DEPDC4: variants seen among roughly 807,000 people sequenced by gnomAD.
The protein encoded by DEPDC4 is DEP domain containing 4, also known as DEP domain-containing protein 4.
A neutral mutation model predicts 52.0 loss-of-function variants in DEPDC4; 52 were observed. The ratio of observed to expected loss-of-function variants is 1.00; its 90% CI spans 0.80 to 1.26. The LOEUF is 1.26. Among genes scored for constraint, DEPDC4 ranks in the 50% most tolerant of loss-of-function variants. DEPDC4 has a pLI of 0.00. For synonymous variants in DEPDC4, 201 were observed against 196.8 expected, an observed-to-expected ratio of 1.02 and a Z score of -0.18; for missense variants, 530 against 546.9, an observed-to-expected ratio of 0.97 and a Z score of 0.31.
intron 7 of DEPDC4, among the ~76,000 whole-genome samples, chr12:100,249,381 G>C (rs940031822): frequency 1.3e-5 from 2 of 152,070 alleles, no homozygotes; most frequent in Non-Finnish European, 2.9e-5. Flanking sequence ...AGGCGTGGTG[G>C]CTCACACCTG....
chr12:100,244,095 G>GTATATATATATATATATATA (rs774444544), intron 8 of DEPDC4, among the ~76,000 whole-genome samples: 3 of 51,646 alleles, frequency 5.8e-5, no homozygotes, highest in Non-Finnish European at 7.8e-5. Flanking sequence ...CTCTCTCTGT[G>GTATATATATATATATATATA]TATATATATA....
At chr12:100,281,019 GTTTTTTTT>G in the DEPDC4 span, among the ~76,000 whole-genome samples, 1 of 50,466 alleles carries the variant, frequency 2.0e-5, no homozygotes, top group African/African-American at 6.9e-5. Flanking sequence ...TACCATCAGT[GTTTTTTTT>G]TTTTTTTTTT....
intron 1 of DEPDC4, among the ~76,000 whole-genome samples, chr12:100,265,267 C>A (rs1467561717): frequency 1.3e-5 from 2 of 151,548 alleles, no homozygotes; most frequent in Admixed American, 6.6e-5. Context: ...GCACTCCAGT[C>A]AGGGCAACAG....
chr12:100,236,856 G>A (rs1011113051), downstream of DEPDC4, among the ~76,000 whole-genome samples: 3 of 152,100 alleles, frequency 2.0e-5, no homozygotes, highest in Non-Finnish European at 4.4e-5. Flanking sequence ...GTTGATTTTT[G>A]TATAAGGTGA....
chr12:100,278,067 A>G, the DEPDC4 span, among the ~76,000 whole-genome samples: 1 of 152,154 alleles, frequency 6.6e-6, no homozygotes, highest in African/African-American at 2.4e-5. Context: ...TATAAACACA[A>G]TACATTTTTA....
chr12:100,258,640 G>A (rs189751294), intron 3 of DEPDC4, among the ~76,000 whole-genome samples: 44 of 152,204 alleles, frequency 2.9e-4, no homozygotes, highest in Admixed American at 2.7e-3. Context: ...CACAGCCAAG[G>A]CTTTGCAACA....
intron 3 of DEPDC4, among the ~76,000 whole-genome samples, chr12:100,258,841 T>C (rs1398066617): frequency 6.6e-6 from 1 of 152,010 alleles, no homozygotes; most frequent in Non-Finnish European, 1.5e-5. Flanking sequence ...GAGGTTGCAG[T>C]GGTCAGATTG....
At chr12:100,257,094 C>T (rs1285908838) in intron 3 of DEPDC4, among the ~76,000 whole-genome samples, 1 of 151,716 alleles carries the variant, frequency 6.6e-6, no homozygotes, top group African/African-American at 2.4e-5. Flanking sequence ...TATTTACTTA[C>T]TTTTTGAGAC....
intron 7 of DEPDC4, among the ~76,000 whole-genome samples, chr12:100,249,514 T>G (rs927638808): frequency 6.6e-6 from 1 of 152,122 alleles, no homozygotes; most frequent in Admixed American, 6.5e-5. Context: ...CCAAACAAAA[T>G]AGGTATACAT....
intron 8 of DEPDC4, among the ~76,000 whole-genome samples, chr12:100,245,516 T>C (rs114693511): frequency 0.034 from 5,232 of 152,302 alleles, 282 homozygotes; most frequent in African/African-American, 0.12. Flanking sequence ...ATCTGCCTGC[T>C]GCGGCCTCCC....
At position 100,252,520 on chromosome 12, in the gene DEPDC4, T is replaced by C. The variant is rs1326739309; in HGVS notation, c.1122A>G (p.Ala374=). 2 of 1,600,890 alleles carry C rather than the reference T, an allele frequency of 1.2e-6. No individual in the cohort carries two copies. Among genetic ancestry groups the C allele is most frequent in the Non-Finnish European group, 1.7e-6 (2 of 1,176,668 alleles). The stretch of plus-strand genomic sequence containing the variant: ...ATAGTTGTGTTGCTTCAAGTGCTTC[T>C]GCTCTTTTCTCATTTTCTGTTATAT... ...IIELLENEKR[A]EALEATQLYL... is the part of the protein sequence containing the mutation. The change falls in exon 6 of 10, where the codon GCA becomes GCG. Residue 374 remains alanine, a synonymous_variant. Transcript: ENST00000550587.
At chr12:100,242,739 A>G (rs1016459201) in intron 8 of DEPDC4, among the ~76,000 whole-genome samples, 170 bp from the exon 9 acceptor site, 1 of 152,194 alleles carries the variant, frequency 6.6e-6, no homozygotes, top group Non-Finnish European at 1.5e-5. Context: ...TTGATGTGCC[A>G]GTTTTAGCAT....
At chr12:100,266,531 G>T (rs1465080012) in intron 1 of DEPDC4, among the ~76,000 whole-genome samples, 1 of 152,110 alleles carries the variant, frequency 6.6e-6, no homozygotes, top group East Asian at 1.9e-4. Flanking sequence ...CAAGGAATTT[G>T]CCCTCTAGTA....
chr12:100,252,979 C>T (rs7962998), intron 5 of DEPDC4, among the ~76,000 whole-genome samples: 23,031 of 152,262 alleles, frequency 0.15, 2,185 homozygotes, highest in Non-Finnish European at 0.21. Flanking sequence ...CGCAGTGGCG[C>T]GATCTCGGCT....
downstream of DEPDC4, among the ~76,000 whole-genome samples, chr12:100,236,473 G>A (rs2096141532): frequency 6.6e-6 from 1 of 151,814 alleles, no homozygotes; most frequent in African/African-American, 2.4e-5. Flanking sequence ...TATGTTTGTT[G>A]GTCATTTGTA....
At chr12:100,261,811 C>T (rs1190166941) in intron 3 of DEPDC4, 1 of 455,844 alleles carries the variant, frequency 2.2e-6, no homozygotes, top group Non-Finnish European at 4.4e-6. Context: ...TAATACACTA[C>T]TTAAATCACA....
upstream of DEPDC4, among the ~76,000 whole-genome samples, chr12:100,268,747 A>T (rs932630444): frequency 6.6e-6 from 1 of 152,192 alleles, no homozygotes; most frequent in Non-Finnish European, 1.5e-5. Context: ...TTTGAAATTC[A>T]TGATATACCT....
chr12:100,260,767 A>G (rs2096250784), intron 3 of DEPDC4, among the ~76,000 whole-genome samples: 1 of 152,074 alleles, frequency 6.6e-6, no homozygotes, highest in South Asian at 2.1e-4. Context: ...ATGGTGGCAC[A>G]CGCCTATAGT....
downstream of DEPDC4, among the ~76,000 whole-genome samples, chr12:100,235,684 C>T (rs1203938616): frequency 6.6e-6 from 1 of 152,090 alleles, no homozygotes; most frequent in Non-Finnish European, 1.5e-5. Context: ...AGGCAATTGT[C>T]CTATCTCAGC....
Sources: allele counts gnomAD v4.1 joint callset (sites outside exome capture counted in the v4.1 genomes callset), GRCh38; gene constraint gnomAD v4.1.1; transcripts MANE v1.5; gene names NCBI Gene and HGNC (gene_info 2026-07-23, HGNC 2026-07-21).